The following TXNDC5 variants were observed in gnomAD, a reference collection of about 807,000 sequenced individuals.
TXNDC5 encodes thioredoxin domain-containing protein 5.
Under a neutral mutation model 52.6 loss-of-function variants are expected in TXNDC5, and 44 were observed. That is an observed-to-expected ratio of 0.84 (90% CI 0.66 to 1.08). The LOEUF (loss-of-function observed/expected upper bound fraction) is 1.08. TXNDC5 is among the 50% of genes least tolerant of loss of function. The pLI is 0.00. For synonymous variants in TXNDC5, 241 were observed against 234.4 expected, an observed-to-expected ratio of 1.03 and a Z score of -0.26; for missense variants, 600 against 565.5, an observed-to-expected ratio of 1.06 and a Z score of -0.62.
intron 9 of TXNDC5, among the ~76,000 whole-genome samples, chr6:7,883,813 CAAAG>C (rs1182554593): frequency 6.6e-5 from 10 of 151,998 alleles, no homozygotes; most frequent in Non-Finnish European, 1.2e-4. Context: ...GTCTGAATAA[CAAAG>C]AAGAAAAAAA....
rs114219069 is a variant in TXNDC5, at chr6:7,898,414, T to C, written c.519+1162A>G. On this transcript the variant is annotated intron_variant, in intron 3 of 9. Coordinates refer to ENST00000379757, the MANE Select transcript of TXNDC5 (RefSeq NM_030810.5). ...AGCACTGAATCAGCAGCCAAGTTTCTGATTAGGTCATCAGAGAAGATGGGG... is the reference window on the plus strand; with the variant it reads ...AGCACTGAATCAGCAGCCAAGTTTCCGATTAGGTCATCAGAGAAGATGGGG... 9.4e-3 allele frequency among the ~76,000 whole-genome samples: 1,436 copies of C among 152,286 alleles called. 20 individuals carry two copies. Among genetic ancestry groups the C allele is most frequent in the African/African-American group, 0.032 (1,323 of 41,544 alleles).
intron 2 of TXNDC5, among the ~76,000 whole-genome samples, chr6:7,902,959 G>A (rs9502661): frequency 0.03 from 4,626 of 152,236 alleles, 230 homozygotes; most frequent in African/African-American, 0.1. Context: ...AGGCTGAGGT[G>A]GAAGCCTTCA....
intron 4 of TXNDC5, chr6:7,894,696 G>A (rs1760306787): frequency 1.0e-6 from 1 of 982,850 alleles, no homozygotes; most frequent in Non-Finnish European, 1.2e-6. Flanking sequence ...GGGATACAAA[G>A]TAAGCACAAG....
intron 1 of TXNDC5, among the ~76,000 whole-genome samples, chr6:7,907,925 C>T (rs757188409): frequency 2.0e-5 from 3 of 152,218 alleles, no homozygotes; most frequent in Non-Finnish European, 2.9e-5. Context: ...TCTTAAAAGT[C>T]CAACTTAAAC....
At chr6:7,886,117 A>ATT (rs1759970954) in intron 7 of TXNDC5, 74 bp from the exon 8 acceptor site, 60 of 1,325,160 alleles carry the variant, frequency 4.5e-5, no homozygotes, top group Non-Finnish European at 6.2e-5. Context: ...GGGATTGCAG[A>ATT]TACACGAATC....
At position 7,882,943 on chromosome 6, in the gene TXNDC5, TTTAC is replaced by T. The variant is rs1348882932; in HGVS notation, c.*197_*200del. On this transcript the variant is annotated 3_prime_UTR_variant, in exon 10 of 10. Transcript: ENST00000379757. ...TTACACAGTGACCATGAGTTACACA[TTTAC>T]TTAGAGAAACTTAACTTAATAAAGA... The T allele has an allele frequency of 3.1e-5, 19 of 619,782 alleles. No homozygotes were observed. Among genetic ancestry groups the T allele is most frequent in the Non-Finnish European group, 4.3e-5 (16 of 375,588 alleles). The allele number at this position is 619,782 out of a possible 1,614,324, so 38.4% of individuals were successfully genotyped here. A position where few individuals can be genotyped will look rare whatever the true frequency, so the allele number is the denominator to read the frequency against.
At chr6:7,902,997 T>C (rs920470469) in intron 2 of TXNDC5, among the ~76,000 whole-genome samples, 1 of 152,192 alleles carries the variant, frequency 6.6e-6, no homozygotes, top group African/African-American at 2.4e-5. Context: ...CCATAACACA[T>C]ACCACTCTCA....
At chr6:7,891,557 C>G (rs955530276) in intron 5 of TXNDC5, 64 bp downstream of exon 5, 7 of 1,324,368 alleles carry the variant, frequency 5.3e-6, no homozygotes, top group Non-Finnish European at 7.5e-6. Context: ...GAATAATGGG[C>G]CACTCTGCTA....
At chr6:7,885,535 A>G (rs1759935801) in intron 8 of TXNDC5, among the ~76,000 whole-genome samples, 1 of 152,218 alleles carries the variant, frequency 6.6e-6, no homozygotes, top group African/African-American at 2.4e-5. Flanking sequence ...GGATTTCTCT[A>G]CAAAAGAAAT....
In TXNDC5 at chr6:7,885,852, A is replaced by T. The variant is rs1759952277; in HGVS notation, c.1046+109T>A. ...TTCCTACAACATGACCTACATATAA[A>T]TGTAACATGTGCCCAACATTGAGTC... is the stretch of plus-strand genomic sequence containing the variant. On this transcript the variant is annotated intron_variant, in intron 8 of 9. Transcript: ENST00000379757. The T allele has an allele frequency of 1.2e-5, 11 of 930,820 alleles. No homozygotes were observed. The East Asian group carries it at 2.8e-4, about 24-fold the overall frequency. 57.7% of individuals were successfully genotyped at this position (930,820 alleles called of 1,614,324 possible).
chr6:7,882,893 G>C lies in TXNDC5; in HGVS notation c.*251C>G. On this transcript the variant is annotated 3_prime_UTR_variant, in exon 10 of 10. Transcript: ENST00000379757. ...TAAATTTCATCAAGAGAAGGTCAAAGGGGATATATCGCCACTGAAAATGTT... is the reference window on the plus strand; with the variant it reads ...TAAATTTCATCAAGAGAAGGTCAAACGGGATATATCGCCACTGAAAATGTT... 2.4e-6 allele frequency: 1 copy of C among 411,096 alleles called. No individual in the cohort carries two copies. Among genetic ancestry groups the C allele is most frequent in the Non-Finnish European group, 4.3e-6 (1 of 231,072 alleles). The allele number at this position is 411,096 out of a possible 1,614,324, so 25.5% of individuals were successfully genotyped here.
Position 7,881,573 on chromosome 6 carries a change from C to G in TXNDC5, c.*1571G>C, listed in dbSNP as rs1158205002. On this transcript the variant is annotated 3_prime_UTR_variant, in exon 10 of 10. Transcript: ENST00000379757. ...TCATAGTGTAAACAAACAAATTGTA[C>G]CACTTTGATTTTCTTGGAATACAAG... 1 of 152,120 alleles carries G rather than the reference C, an allele frequency of 6.6e-6. No individual in the cohort carries two copies. The highest frequency in any genetic ancestry group is 1.5e-5 in the Non-Finnish European group (1 of 68,008). 9.4% of individuals were successfully genotyped at this position (152,120 alleles called of 1,614,324 possible).
intron 1 of TXNDC5, 77 bp downstream of exon 1, chr6:7,910,437 C>T (rs1760880252): frequency 7.9e-7 from 1 of 1,264,638 alleles, no homozygotes; most frequent in Non-Finnish European, 1.0e-6. Context: ...CCGGGACCCC[C>T]CGCCCGCGGC....
chr6:7,883,146 A>C lies in TXNDC5; in HGVS notation c.1297T>G (p.Ter433GluextTer39). 2 of 1,614,126 alleles carry C rather than the reference A, an allele frequency of 1.2e-6. No individual in the cohort carries two copies. Among genetic ancestry groups the C allele is most frequent in the South Asian group, 1.1e-5 (1 of 91,080 alleles). ...FVLSQAKDEL[*>E] Reference sequence around the variant, plus strand: ...AGAGGTGACCTCCAACTGTGTTCCTAAAGTTCGTCTTTCGCTTGGCTCAGG... The same window carrying C: ...AGAGGTGACCTCCAACTGTGTTCCTCAAGTTCGTCTTTCGCTTGGCTCAGG... Residue 433 changes from the stop codon to glutamate, a stop_lost, in exon 10 of 10, where the codon TAG becomes GAG. Coordinates refer to ENST00000379757, the MANE Select transcript of TXNDC5 (RefSeq NM_030810.5).
rs971648000 is a variant in TXNDC5, at chr6:7,894,860, G to A, written c.616+246C>T. The A allele has an allele frequency of 7.1e-6, 7 of 985,310 alleles. No homozygotes were observed. In the African/African-American group the frequency reaches 1.0e-4, roughly 15 times the overall value. 61.0% of individuals were successfully genotyped at this position (985,310 alleles called of 1,614,324 possible). On this transcript the variant is annotated intron_variant, in intron 4 of 9. Transcript: ENST00000379757. ...CTCTTAGCCAAGGATGCACTGTCCA[G>A]CTAGTGTGCGGGTCACGTGTGCTTA...
At chr6:7,907,651 G>C (rs72829248) in intron 1 of TXNDC5, among the ~76,000 whole-genome samples, 17,041 of 152,120 alleles carry the variant, frequency 0.11, 1,174 homozygotes, top group African/African-American at 0.2. Context: ...TGTGTTGAGG[G>C]GGAGTCCACT....
chr6:7,895,375 G>A lies in TXNDC5; in HGVS notation c.520-173C>T, dbSNP rs188106874. 6.1e-4 allele frequency among the ~76,000 whole-genome samples: 93 copies of A among 152,218 alleles called. 1 individual carries two copies. The highest frequency in any genetic ancestry group is 1.1e-3 in the Non-Finnish European group (77 of 68,008). On this transcript the variant is annotated intron_variant, in intron 3 of 9. Coordinates refer to ENST00000379757, the MANE Select transcript of TXNDC5 (RefSeq NM_030810.5). ...TGAGGCCAGGTCAGGAACTGATCTC[G>A]TCAAGCCCTCTGGAAGCTTCAGCAA...
chr6:7,904,453 T>C, intron 2 of TXNDC5, 121 bp downstream of exon 2: 2 of 1,307,962 alleles, frequency 1.5e-6, no homozygotes, highest in Non-Finnish European at 2.1e-6. Flanking sequence ...AGTTTCTCCC[T>C]AATGACAGGG....
rs1312654097 is a variant in TXNDC5 at position 7,882,978 on chromosome 6, TAG to T, written c.*164_*165del. 2.5e-6 allele frequency: 2 copies of T among 816,064 alleles called. No homozygotes were observed. The highest frequency in any genetic ancestry group is 3.5e-5 in the African/African-American group (2 of 57,804). The allele number at this position is 816,064 out of a possible 1,614,324, so 50.6% of individuals were successfully genotyped here. ...GAAACTTAACTTAATAAAGAATCTG[TAG>T]AGTGTGTTGGCTTGGAAAACACACA... On this transcript the variant is annotated 3_prime_UTR_variant, in exon 10 of 10. Coordinates refer to ENST00000379757, the MANE Select transcript of TXNDC5 (RefSeq NM_030810.5).
Sources: allele counts gnomAD v4.1 joint callset (sites outside exome capture counted in the v4.1 genomes callset), GRCh38; gene constraint gnomAD v4.1.1; transcripts MANE v1.5; gene names NCBI Gene and HGNC (gene_info 2026-07-23, HGNC 2026-07-21).